PCDHGB3: variants seen among roughly 807,000 people sequenced by gnomAD.
The protein encoded by PCDHGB3 is protocadherin gamma subfamily B, 3.
In PCDHGB3, 40 loss-of-function variants were observed where a neutral mutation model predicts 59.2. The ratio of observed to expected loss-of-function variants is 0.68; its 90% CI spans 0.52 to 0.88. PCDHGB3 has a LOEUF of 0.88. Among genes scored for constraint, PCDHGB3 ranks in the 40% least tolerant of loss-of-function variants. The pLI, the probability that PCDHGB3 is intolerant of heterozygous loss-of-function variation, is 0.00. For missense variants in PCDHGB3, 1,309 were observed against 1,187.9 expected (o/e 1.10, Z -1.50); for synonymous variants, 581 against 503.6 (o/e 1.15, Z -2.06).
At chr5:141,383,946 G>A (rs1023403145) in intron 1 of PCDHGB3, 3 of 1,613,696 alleles carry the variant, frequency 1.9e-6, no homozygotes, top group Non-Finnish European at 2.5e-6. Flanking sequence ...AAGTGACTAT[G>A]ACGTCTTTAA....
chr5:141,487,783 G>T lies in PCDHGB3; in HGVS notation c.2416-7024G>T. The T allele has an allele frequency of 6.6e-7, 1 of 1,522,846 alleles. No homozygotes were observed. The allele number at this position is 1,522,846 out of a possible 1,614,324, so 94.3% of individuals were successfully genotyped here. ...ACGCTGTGCTTTGTAACTGTTTCGT[G>T]AATTAACCAGAGTTGTCACAGTTTA... is the stretch of plus-strand genomic sequence containing the variant. On this transcript the variant is annotated intron_variant, in intron 1 of 3. Transcript: ENST00000576222. The surrounding 1 kb of genome is among the most constrained non-coding windows in gnomAD (Gnocchi z 5.0).
At chr5:141,378,233 G>C (rs1449430240) in intron 1 of PCDHGB3, 1 of 152,134 alleles carries the variant, frequency 6.6e-6, no homozygotes, top group African/African-American at 2.4e-5. Context: ...TAGTATTTAA[G>C]AGTGAAAATG....
intron 2 of PCDHGB3, among the ~76,000 whole-genome samples, chr5:141,502,358 TA>T (rs1283802909): frequency 6.6e-6 from 1 of 152,134 alleles, no homozygotes; most frequent in African/African-American, 2.4e-5. Context: ...ATGACATGGA[TA>T]TTTTTAAAGA....
intron 1 of PCDHGB3, chr5:141,388,598 T>C: frequency 1.2e-6 from 2 of 1,613,920 alleles, no homozygotes; most frequent in Non-Finnish European, 1.7e-6. Context: ...CCAATGATAA[T>C]GCTCCAGTGT....
At chr5:141,376,491 A>T in intron 1 of PCDHGB3, 2 of 1,614,114 alleles carry the variant, frequency 1.2e-6, no homozygotes, top group Non-Finnish European at 1.7e-6. Context: ...ACGAAAGGAG[A>T]ACCCAGGCAA....
At chr5:141,400,189 C>G (rs376855933) in intron 1 of PCDHGB3, 2 of 1,614,056 alleles carry the variant, frequency 1.2e-6, no homozygotes, top group Non-Finnish European at 1.7e-6. Flanking sequence ...GCAGTTTTAC[C>G]TAGTGGTGGC....
chr5:141,431,678 T>G lies in PCDHGB3; in HGVS notation c.2415+58869T>G. The G allele has an allele frequency of 6.2e-7, 1 of 1,614,084 alleles. No homozygotes were observed. Among genetic ancestry groups the G allele is most frequent in the Non-Finnish European group, 8.5e-7 (1 of 1,180,022 alleles). On this transcript the variant is annotated intron_variant, in intron 1 of 3. Transcript: ENST00000576222. This position sits in a 1 kb window ranked among gnomAD's most constrained non-coding sequence, Gnocchi z 4.8. ...AGGGACAATATCAACAATAGGGGAGTTGGACCACGAGGAGTCAGGATTCTA... is the reference window on the plus strand; with the variant it reads ...AGGGACAATATCAACAATAGGGGAGGTGGACCACGAGGAGTCAGGATTCTA...
chr5:141,395,147 G>T (rs906877951), intron 1 of PCDHGB3: 21 of 1,614,092 alleles, frequency 1.3e-5, no homozygotes, highest in Non-Finnish European at 1.8e-5. Context: ...ACGCAGACAT[G>T]CTCATCAGTC....
chr5:141,427,825 C>A (rs1342117815), intron 1 of PCDHGB3: 1 of 1,536,464 alleles, frequency 6.5e-7, no homozygotes, highest in Non-Finnish European at 8.9e-7. Flanking sequence ...GTGGTGGTCG[C>A]GCAGCGTGCC....
intron 1 of PCDHGB3, chr5:141,413,604 C>T: frequency 5.6e-6 from 9 of 1,613,818 alleles, no homozygotes; most frequent in Non-Finnish European, 7.6e-6. Flanking sequence ...AAAATCTAGA[C>T]GTAAAAATTA....
intron 2 of PCDHGB3, among the ~76,000 whole-genome samples, chr5:141,500,289 A>G (rs1440166636): frequency 6.6e-6 from 1 of 151,486 alleles, no homozygotes; most frequent in African/African-American, 2.4e-5. Flanking sequence ...GCTCACTGCA[A>G]GCTCCGCCTC....
At position 141,372,294 on chromosome 5, in the gene PCDHGB3, G is replaced by T. The variant is rs536487253; in HGVS notation, c.1900G>T (p.Asp634Tyr). The change falls in exon 1 of 4, where the codon GAC becomes TAC. Residue 634 changes from aspartate (D) to tyrosine (Y), a missense_variant. Coordinates refer to ENST00000576222, the MANE Select transcript of PCDHGB3 (RefSeq NM_018924.5). ...GGTGCGCACGGCGCGTACCTTGGGC[G>T]ACAGGGAGGCCGCCCGCCAGCGCCT... ...GEVRTARTLG[D>Y]REAARQRLLV... is the part of the protein sequence containing the mutation. The T allele has an allele frequency of 2.4e-5, 39 of 1,613,162 alleles. No individual in the cohort carries two copies. The highest frequency in any genetic ancestry group is 2.9e-5 in the Non-Finnish European group (34 of 1,179,892).
intron 1 of PCDHGB3, chr5:141,393,405 C>T (rs777100284): frequency 1.2e-6 from 2 of 1,614,032 alleles, no homozygotes; most frequent in Non-Finnish European, 1.7e-6. Flanking sequence ...GGTGCTGGAG[C>T]GCGCCCTGGA....
chr5:141,463,616 T>C (rs941383375), intron 1 of PCDHGB3, among the ~76,000 whole-genome samples: 28 of 151,762 alleles, frequency 1.8e-4, no homozygotes, highest in Non-Finnish European at 2.1e-4. Flanking sequence ...GCCCGGCTAA[T>C]TTTTTGTATT....
intron 1 of PCDHGB3, chr5:141,417,205 C>G (rs1217296715): frequency 6.6e-6 from 1 of 151,986 alleles, no homozygotes; most frequent in Non-Finnish European, 1.5e-5. Context: ...TGAATATAGG[C>G]TAGAATTGAA....
chr5:141,383,377 C>G (rs527434740), intron 1 of PCDHGB3: 1 of 1,614,010 alleles, frequency 6.2e-7, no homozygotes, highest in African/African-American at 1.3e-5. Context: ...GGCTGGGGAT[C>G]CAGATGTGGG....
chr5:141,385,351 T>C, intron 1 of PCDHGB3: 1 of 1,555,976 alleles, frequency 6.4e-7, no homozygotes, highest in Non-Finnish European at 8.7e-7. Flanking sequence ...TTTATTTCCA[T>C]GAGGAATTTA....
intron 1 of PCDHGB3, among the ~76,000 whole-genome samples, chr5:141,446,571 G>C (rs1460375061): frequency 2.0e-5 from 3 of 152,058 alleles, no homozygotes; most frequent in African/African-American, 7.2e-5. Flanking sequence ...CTGCCTCCCA[G>C]GTTCAAGTGA....
rs201968743 is a variant in PCDHGB3, at chr5:141,490,095, A to G, written c.2416-4712A>G. On this transcript the variant is annotated intron_variant, in intron 1 of 3. Coordinates refer to ENST00000576222, the MANE Select transcript of PCDHGB3 (RefSeq NM_018924.5). The surrounding 1 kb of genome is among the most constrained non-coding windows in gnomAD (Gnocchi z 5.4). ...TAGACTATTCTTTTGGAGACCACAC[A>G]TCTGAGGCAGTGCGGAACCTCTTTG... 2.4e-4 allele frequency: 394 copies of G among 1,614,156 alleles called. No individual in the cohort carries two copies. The highest frequency in any genetic ancestry group is 3.1e-4 in the Non-Finnish European group (363 of 1,180,054).
Sources: allele counts gnomAD v4.1 joint callset (sites outside exome capture counted in the v4.1 genomes callset), GRCh38; gene constraint gnomAD v4.1.1; non-coding constraint Gnocchi (gnomAD v3.1); transcripts MANE v1.5; gene names NCBI Gene and HGNC (gene_info 2026-07-23, HGNC 2026-07-21).